ACOXL: variants seen among roughly 807,000 people sequenced by gnomAD.
ACOXL encodes the protein acyl-CoA oxidase like.
In ACOXL, 70 loss-of-function variants were observed where a neutral mutation model predicts 71.9. The ratio of observed to expected loss-of-function variants is 0.97; its 90% CI spans 0.80 to 1.19. The LOEUF is 1.19. ACOXL is among the 50% of genes most tolerant of loss of function. The pLI is 0.00. For missense variants in ACOXL, 703 were observed against 736.3 expected, an observed-to-expected ratio of 0.95 and a Z score of 0.52; for synonymous variants, 253 against 281.6, an observed-to-expected ratio of 0.90 and a Z score of 1.02.
chr2:111,056,200 TAA>T (rs5833383), intron 16 of ACOXL, among the ~76,000 whole-genome samples: 1 of 145,678 alleles, frequency 6.9e-6, no homozygotes, highest in Non-Finnish European at 1.5e-5. Context: ...ACCCCAACTT[TAA>T]AAAAAAAAAA....
chr2:110,795,897 C>T (rs1377652250), intron 5 of ACOXL: 2 of 151,982 alleles, frequency 1.3e-5, no homozygotes, highest in African/African-American at 2.4e-5. Context: ...TTTCCCCAAA[C>T]AGCATAAATG....
intron 14 of ACOXL, among the ~76,000 whole-genome samples, chr2:111,008,981 C>T (rs539467823): frequency 3.2e-4 from 48 of 152,280 alleles, no homozygotes; most frequent in Non-Finnish European, 5.3e-4. Context: ...GTACTTTCTA[C>T]ATTAAGAATT....
chr2:110,893,815 A>G (rs2058890826), intron 10 of ACOXL, among the ~76,000 whole-genome samples: 1 of 152,118 alleles, frequency 6.6e-6, no homozygotes, highest in Non-Finnish European at 1.5e-5. Flanking sequence ...TTATTTTGAC[A>G]TTGAGATGTC....
intron 1 of ACOXL, among the ~76,000 whole-genome samples, chr2:110,751,034 C>T (rs1678873636): frequency 6.6e-6 from 1 of 151,890 alleles, no homozygotes; most frequent in Non-Finnish European, 1.5e-5. Flanking sequence ...CGCGGTGGCT[C>T]ACGCCTGTAA....
At chr2:111,107,449 G>GT (rs555537643) in intron 17 of ACOXL, among the ~76,000 whole-genome samples, 14 of 151,922 alleles carry the variant, frequency 9.2e-5, no homozygotes, top group African/African-American at 2.2e-4. Flanking sequence ...TTTAACTATA[G>GT]TTTTTTTTGT....
chr2:110,870,336 T>C (rs929288653), intron 10 of ACOXL, among the ~76,000 whole-genome samples: 4 of 142,952 alleles, frequency 2.8e-5, no homozygotes, highest in Non-Finnish European at 6.2e-5. Flanking sequence ...AGGGAAGCCC[T>C]AGACTTTTTT....
Position 110,793,526 on chromosome 2 carries a change from G to A in ACOXL, c.160-124G>A, listed in dbSNP as rs534143644. On this transcript the variant is annotated intron_variant, in intron 3 of 17. Transcript: ENST00000439055. ...GGAAGGGCAAAGAAGCATGCCACTT[G>A]CAGGGCTTAGGTCAAGCACAGGGGG... 95 of 826,270 alleles carry A rather than the reference G, an allele frequency of 1.1e-4. No individual in the cohort carries two copies. In the African/African-American group the frequency reaches 1.4e-3, roughly 12 times the overall value. The allele number at this position is 826,270 out of a possible 1,614,324, so 51.2% of individuals were successfully genotyped here.
chr2:110,900,361 A>G (rs1391061991), intron 10 of ACOXL, among the ~76,000 whole-genome samples: 1 of 152,136 alleles, frequency 6.6e-6, no homozygotes, highest in African/African-American at 2.4e-5. Context: ...CATCGCAGGT[A>G]ATTTTAGAGA....
Position 110,956,939 on chromosome 2 carries a change from G to A in ACOXL, c.1059+23297G>A, listed in dbSNP as rs182847759. Among the ~76,000 whole-genome samples the A allele has an allele frequency of 6.1e-4, 93 of 152,282 alleles. No homozygotes were observed. In the Middle Eastern group the frequency reaches 0.02, roughly 33 times the overall value. ...CTAAGAGGCTCGATGTAACCCAGAAGGCAGAGAGCGGAGGAGCTGTCTACC... is the reference window on the plus strand; with the variant it reads ...CTAAGAGGCTCGATGTAACCCAGAAAGCAGAGAGCGGAGGAGCTGTCTACC... On this transcript the variant is annotated intron_variant, in intron 12 of 17. Coordinates refer to ENST00000439055, the MANE Select transcript of ACOXL (RefSeq NM_001142807.4).
chr2:111,024,859 A>C (rs1380480596), intron 14 of ACOXL, among the ~76,000 whole-genome samples: 1 of 150,700 alleles, frequency 6.6e-6, no homozygotes, highest in Non-Finnish European at 1.5e-5. Context: ...TTAAAAAAAA[A>C]GAAATCCATT....
chr2:110,953,961 G>A (rs911664002), intron 12 of ACOXL, among the ~76,000 whole-genome samples: 3 of 152,232 alleles, frequency 2.0e-5, no homozygotes, highest in African/African-American at 7.2e-5. Context: ...TGCTCCAGTT[G>A]GACATGAGAT....
At chr2:111,097,429 T>A (rs990956829) in intron 17 of ACOXL, among the ~76,000 whole-genome samples, 14 of 152,356 alleles carry the variant, frequency 9.2e-5, no homozygotes, top group African/African-American at 3.1e-4. Context: ...GCAAACATTT[T>A]CATTTATTTT....
At chr2:110,779,307 A>C (rs1300929696) in intron 2 of ACOXL, among the ~76,000 whole-genome samples, 1 of 152,174 alleles carries the variant, frequency 6.6e-6, no homozygotes, top group Admixed American at 6.5e-5. Context: ...AGCAAGAAGT[A>C]AGAAGGGCTA....
intron 1 of ACOXL, among the ~76,000 whole-genome samples, chr2:110,738,542 A>G (rs1312774066): frequency 1.3e-5 from 2 of 152,316 alleles, no homozygotes; most frequent in Admixed American, 6.5e-5. Context: ...TAACTTTCCA[A>G]TATCCAACAT....
chr2:110,752,660 T>G (rs550935726), intron 1 of ACOXL, among the ~76,000 whole-genome samples: 1 of 151,960 alleles, frequency 6.6e-6, no homozygotes, highest in East Asian at 1.9e-4. Flanking sequence ...CTCATGCCTC[T>G]GTTCTTGTTG....
At chr2:110,763,238 A>G (rs1424105153) in intron 1 of ACOXL, among the ~76,000 whole-genome samples, 1 of 152,196 alleles carries the variant, frequency 6.6e-6, no homozygotes, top group Non-Finnish European at 1.5e-5. Context: ...TACAAAATTG[A>G]AGGAGAAGAA....
intron 10 of ACOXL, among the ~76,000 whole-genome samples, chr2:110,847,400 A>G (rs1692045147): frequency 6.6e-6 from 1 of 152,164 alleles, no homozygotes; most frequent in Non-Finnish European, 1.5e-5. Context: ...ATCTGTGCAC[A>G]TGTCACTTAT....
At chr2:111,092,004 T>A (rs554902378) in intron 16 of ACOXL, among the ~76,000 whole-genome samples, 20 of 152,228 alleles carry the variant, frequency 1.3e-4, no homozygotes, top group Non-Finnish European at 2.1e-4. Flanking sequence ...AATAAGAGGG[T>A]TTTGTTTTTG....
chr2:111,001,869 T>C (rs1460446587), intron 14 of ACOXL, among the ~76,000 whole-genome samples: 1 of 152,126 alleles, frequency 6.6e-6, no homozygotes, highest in Non-Finnish European at 1.5e-5. Flanking sequence ...AGTGTATGTT[T>C]TTAGAGGAAT....
Sources: gnomAD v4.1 joint callset for allele counts (sites outside exome capture counted in the v4.1 genomes callset) on GRCh38, gnomAD v4.1.1 for gene constraint, MANE v1.5 for transcripts, NCBI Gene and HGNC (gene_info 2026-07-23, HGNC 2026-07-21) for gene names.